Variants in TRAPPC9 observed in about 807,000 individuals in gnomAD.
TRAPPC9 encodes the protein IKK2 binding protein.
A neutral mutation model predicts 124.0 loss-of-function variants in TRAPPC9; 83 were observed. The observed-to-expected ratio is 0.67, with a 90% CI of 0.56 to 0.80. The LOEUF (loss-of-function observed/expected upper bound fraction) is 0.80. TRAPPC9 is among the 30% of genes least tolerant of loss of function. The probability of loss-of-function intolerance (pLI) is 0.00; values close to 1 mark genes in which losing one functional copy is unlikely to be tolerated. For missense variants in TRAPPC9, 1,302 were observed against 1,508.3 expected, an observed-to-expected ratio of 0.86 and a Z score of 2.27; for synonymous variants, 638 against 617.5, an observed-to-expected ratio of 1.03 and a Z score of -0.49.
intron 22 of TRAPPC9, 144 bp from the exon 23 acceptor site, chr8:139,731,372 C>G (rs1250408995): frequency 3.4e-6 from 3 of 880,924 alleles, no homozygotes; most frequent in Non-Finnish European, 5.4e-6. Flanking sequence ...CCCCCTCCAG[C>G]AGGTCACTGC....
chr8:140,029,524 A>C (rs1356062191), intron 17 of TRAPPC9, among the ~76,000 whole-genome samples: 3 of 152,060 alleles, frequency 2.0e-5, no homozygotes, highest in Non-Finnish European at 2.9e-5. Flanking sequence ...ACAAACAAAC[A>C]AACAAACAAG....
At chr8:139,946,824 T>A (rs6578054) in intron 19 of TRAPPC9, among the ~76,000 whole-genome samples, 199 of 148,068 alleles carry the variant, frequency 1.3e-3, no homozygotes, top group African/African-American at 4.2e-3. Flanking sequence ...GCTAAAAATT[T>A]AAAAAAAAAA....
At chr8:140,124,427 C>G (rs1050094832) in intron 17 of TRAPPC9, among the ~76,000 whole-genome samples, 4 of 152,252 alleles carry the variant, frequency 2.6e-5, no homozygotes, top group African/African-American at 9.6e-5. Flanking sequence ...CTGGGCCCAT[C>G]TGGATGATCC....
chr8:140,432,634 A>T (rs550192233), intron 4 of TRAPPC9, among the ~76,000 whole-genome samples: 1 of 152,312 alleles, frequency 6.6e-6, no homozygotes, highest in East Asian at 1.9e-4. Flanking sequence ...GCACTTTGGG[A>T]GGCCGAGGCG....
chr8:140,325,035 A>C (rs1327906488), intron 9 of TRAPPC9, among the ~76,000 whole-genome samples: 1 of 152,244 alleles, frequency 6.6e-6, no homozygotes, highest in Admixed American at 6.5e-5. Context: ...GTATTAAAAC[A>C]GAAATCAATA....
intron 2 of TRAPPC9, among the ~76,000 whole-genome samples, chr8:140,441,043 A>G (rs1050076483): frequency 1.4e-5 from 2 of 145,346 alleles, no homozygotes; most frequent in Non-Finnish European, 3.0e-5. Context: ...CAGTGGCACA[A>G]TCACAGCTCA....
intron 21 of TRAPPC9, among the ~76,000 whole-genome samples, chr8:139,741,676 C>CA (rs1462985450): frequency 1.3e-5 from 2 of 151,946 alleles, no homozygotes; most frequent in Non-Finnish European, 2.9e-5. Flanking sequence ...CCCTGCCCCC[C>CA]AGACCCACTC....
chr8:139,934,667 A>C (rs937210027), intron 19 of TRAPPC9, among the ~76,000 whole-genome samples: 4 of 152,220 alleles, frequency 2.6e-5, no homozygotes, highest in Non-Finnish European at 5.9e-5. Context: ...TCCAGGCTGC[A>C]CATGTGGCCA....
intron 7 of TRAPPC9, among the ~76,000 whole-genome samples, chr8:140,384,559 A>C (rs1344807679): frequency 1.3e-5 from 2 of 152,246 alleles, no homozygotes; most frequent in East Asian, 3.8e-4. Context: ...CAAAAGAGAC[A>C]AAGAAGGCCA....
At chr8:140,168,651 T>C (rs1171060234) in intron 17 of TRAPPC9, among the ~76,000 whole-genome samples, 1 of 152,194 alleles carries the variant, frequency 6.6e-6, no homozygotes, top group East Asian at 1.9e-4. Context: ...TTTCTTGCTG[T>C]CATGTCTGGT....
intron 21 of TRAPPC9, among the ~76,000 whole-genome samples, chr8:139,759,811 A>C (rs1377664874): frequency 6.6e-6 from 1 of 152,132 alleles, no homozygotes; most frequent in Non-Finnish European, 1.5e-5. Context: ...CCAGGTGTGG[A>C]GGCAAGGTAG....
chr8:140,301,267 C>G (rs566350231), intron 10 of TRAPPC9, among the ~76,000 whole-genome samples: 2 of 152,350 alleles, frequency 1.3e-5, no homozygotes, highest in East Asian at 3.9e-4. Context: ...GTCTGCCAAT[C>G]TGTACTCATG....
rs1255147197 is a variant in TRAPPC9 at position 140,404,893 on chromosome 8, CG to C, written c.1008+683del. On this transcript the variant is annotated intron_variant, in intron 6 of 22. Transcript: ENST00000438773. ...ATGCGCGTGTAAGTGCATGTGTGCACGTGTGTGTGAGCATGCGTGTGTGTGT... is the reference window on the plus strand; with the variant it reads ...ATGCGCGTGTAAGTGCATGTGTGCACTGTGTGTGAGCATGCGTGTGTGTGT... 4.8e-5 allele frequency among the ~76,000 whole-genome samples: 3 copies of C among 62,300 alleles called. No homozygotes were observed. In the East Asian group the frequency reaches 3.4e-3, roughly 71 times the overall value. The allele number at this position is 62,300 out of a possible 152,430, so 40.9% of individuals were successfully genotyped here.
At chr8:140,189,466 G>A (rs905273903) in intron 17 of TRAPPC9, among the ~76,000 whole-genome samples, 1 of 152,184 alleles carries the variant, frequency 6.6e-6, no homozygotes, top group African/African-American at 2.4e-5. Context: ...GTTCTACCAA[G>A]CAGTAACTTA....
intron 17 of TRAPPC9, among the ~76,000 whole-genome samples, chr8:140,081,154 G>C (rs1039621750): frequency 3.3e-5 from 5 of 152,090 alleles, no homozygotes; most frequent in African/African-American, 7.2e-5. Flanking sequence ...TGAGAAGCCT[G>C]CCCTCCTTCC....
chr8:140,190,850 G>C (rs949428953), intron 17 of TRAPPC9, among the ~76,000 whole-genome samples: 3 of 152,186 alleles, frequency 2.0e-5, no homozygotes, highest in Admixed American at 1.3e-4. Context: ...TATAAGAACA[G>C]AGACGAATAG....
chr8:140,074,608 CTT>C (rs1843386167), intron 17 of TRAPPC9, among the ~76,000 whole-genome samples: 1 of 152,196 alleles, frequency 6.6e-6, no homozygotes, highest in Non-Finnish European at 1.5e-5. Context: ...GTCAGACAGA[CTT>C]TGTTCTGGGC....
intron 21 of TRAPPC9, among the ~76,000 whole-genome samples, chr8:139,850,743 A>G (rs1440174915): frequency 3.9e-5 from 6 of 152,152 alleles, no homozygotes; most frequent in African/African-American, 1.4e-4. Flanking sequence ...CCAATTGTCT[A>G]CTAATCCAGT....
At chr8:139,970,207 G>A (rs566392313) in intron 19 of TRAPPC9, among the ~76,000 whole-genome samples, 29 of 152,220 alleles carry the variant, frequency 1.9e-4, no homozygotes, top group Admixed American at 8.5e-4. Flanking sequence ...AGAAGGAGCC[G>A]GGCATCAGGA....
Sources: allele counts gnomAD v4.1 joint callset (sites outside exome capture counted in the v4.1 genomes callset), GRCh38; gene constraint gnomAD v4.1.1; transcripts MANE v1.5; gene names NCBI Gene and HGNC (gene_info 2026-07-23, HGNC 2026-07-21).